Variants in GIGYF2 observed in about 807,000 individuals in gnomAD.
GIGYF2 encodes the protein GRB10 interacting GYF protein 2, also known as GRB10-interacting GYF protein 2.
In GIGYF2, 25 loss-of-function variants were observed where a neutral mutation model predicts 208.1. That is an observed-to-expected ratio of 0.12 (90% CI 0.09 to 0.17). GIGYF2 has a LOEUF of 0.17. Among genes scored for constraint, GIGYF2 ranks in the 10% least tolerant of loss-of-function variants. The pLI is 1.00. For missense variants in GIGYF2, 1,302 were observed against 1,579.4 expected, an observed-to-expected ratio of 0.82 and a Z score of 2.98; for synonymous variants, 534 against 543.8, an observed-to-expected ratio of 0.98 and a Z score of 0.25.
At chr2:232,842,289 C>G (rs1475331626) in intron 23 of GIGYF2, among the ~76,000 whole-genome samples, 2 of 152,184 alleles carry the variant, frequency 1.3e-5, no homozygotes, top group East Asian at 3.9e-4. Flanking sequence ...CTCCTGAGCT[C>G]AAGTGATTCT....
intron 2 of GIGYF2, among the ~76,000 whole-genome samples, chr2:232,710,115 A>G (rs1053756802): frequency 3.3e-5 from 5 of 151,914 alleles, no homozygotes; most frequent in South Asian, 2.1e-4. Context: ...ACCCGCCACC[A>G]TGCCCAGCTA....
rs746890046 is a variant in GIGYF2 at position 232,790,867 on chromosome 2, A to G, written c.882A>G (p.Glu294=). Residue 294 remains glutamate (E), a synonymous_variant, in exon 10 of 29, where the codon GAA becomes GAG. Coordinates refer to ENST00000373563, the MANE Select transcript of GIGYF2 (RefSeq NM_001103146.3). ...SLPEWCLEDA[E]EEMGTFDSSG... ...CCGAATGGTGCTTAGAGGATGCTGA[A>G]GAAGAAATGGGTACATTTGACTCAT... 1.9e-6 allele frequency: 3 copies of G among 1,614,054 alleles called. No homozygotes were observed. The African/African-American group carries it at 4.0e-5, about 22-fold the overall frequency.
chr2:232,836,256 A>ATCTCTCTCTCTCTCTCTCTCTC (rs1559160076), intron 22 of GIGYF2, among the ~76,000 whole-genome samples: 19 of 102,704 alleles, frequency 1.8e-4, no homozygotes, highest in African/African-American at 8.0e-4. Flanking sequence ...GTGAAACCCC[A>ATCTCTCTCTCTCTCTCTCTCTC]TCTCTACATA....
intron 14 of GIGYF2, among the ~76,000 whole-genome samples, chr2:232,804,871 GTA>G (rs1211127978): frequency 6.6e-6 from 1 of 150,398 alleles, no homozygotes; most frequent in Non-Finnish European, 1.5e-5. Context: ...TTATTTTGAA[GTA>G]TATTTTTGGG....
intron 8 of GIGYF2, among the ~76,000 whole-genome samples, chr2:232,775,259 C>T (rs893661801): frequency 4.6e-5 from 7 of 152,084 alleles, no homozygotes; most frequent in African/African-American, 1.4e-4. Context: ...CAGGCTCTAG[C>T]ACTGTTGGTT....
At chr2:232,772,450 A>G (rs973535201) in intron 8 of GIGYF2, among the ~76,000 whole-genome samples, 11 of 152,244 alleles carry the variant, frequency 7.2e-5, no homozygotes, top group African/African-American at 2.7e-4. Context: ...GAATAGTTCA[A>G]TGAACTAAAA....
At chr2:232,824,449 T>C (rs1277608723) in intron 21 of GIGYF2, among the ~76,000 whole-genome samples, 1 of 152,156 alleles carries the variant, frequency 6.6e-6, no homozygotes, top group Non-Finnish European at 1.5e-5. Context: ...GTTTTAGTGG[T>C]CTGGATAGAA....
intron 5 of GIGYF2, among the ~76,000 whole-genome samples, chr2:232,755,323 A>G (rs1208124094): frequency 2.0e-5 from 3 of 152,092 alleles, no homozygotes; most frequent in Non-Finnish European, 4.4e-5. Flanking sequence ...GGTGCCTGCC[A>G]CCGCGCCCGG....
At position 232,787,257 on chromosome 2, in the gene GIGYF2, G is replaced by C. The variant is rs769304377; in HGVS notation, c.640G>C (p.Glu214Gln). The C allele has an allele frequency of 6.2e-7, 1 of 1,614,068 alleles. No homozygotes were observed. Among genetic ancestry groups the C allele is most frequent in the East Asian group, 2.2e-5 (1 of 44,874 alleles). The change falls in exon 9 of 29, where the codon GAA becomes CAA. Residue 214 changes from glutamate (E) to glutamine (Q), a missense_variant. Transcript: ENST00000373563. The part of the protein sequence containing the change: ...WRIFREEQNG[E>Q]DEDGGWRLAG... ...CATCTTTAGAGAGGAACAAAATGGAGAAGATGAAGATGGAGGTTGGCGACT... is the reference window on the plus strand; with the variant it reads ...CATCTTTAGAGAGGAACAAAATGGACAAGATGAAGATGGAGGTTGGCGACT...
chr2:232,845,007 A>G (rs1401862415), intron 25 of GIGYF2, among the ~76,000 whole-genome samples: 2 of 152,288 alleles, frequency 1.3e-5, no homozygotes, highest in East Asian at 3.9e-4. Flanking sequence ...TTACATTTTC[A>G]TCTTCATCTT....
rs1700575077 is a variant in GIGYF2 at position 232,806,806 on chromosome 2, C to T, written c.1806+149C>T. ...GGTAAGGGAAAGTCTGAATGGAAGACTGAATACTTAGCTATAATGATCTTT... is the reference window on the plus strand; with the variant it reads ...GGTAAGGGAAAGTCTGAATGGAAGATTGAATACTTAGCTATAATGATCTTT... On this transcript the variant is annotated intron_variant, in intron 15 of 28. Coordinates refer to ENST00000373563, the MANE Select transcript of GIGYF2 (RefSeq NM_001103146.3). This position sits in a 1 kb window ranked among gnomAD's most constrained non-coding sequence, Gnocchi z 4.0. The T allele has an allele frequency of 1.3e-6, 1 of 749,914 alleles. No homozygotes were observed. The highest frequency in any genetic ancestry group is 1.7e-5 in the African/African-American group (1 of 58,268). 46.5% of individuals were successfully genotyped at this position (749,914 alleles called of 1,614,324 possible).
chr2:232,737,190 A>G (rs901961238), intron 3 of GIGYF2, among the ~76,000 whole-genome samples: 13 of 152,206 alleles, frequency 8.5e-5, no homozygotes, highest in Admixed American at 4.6e-4. Context: ...GCCCTACACC[A>G]TGAGTTCTCA....
At chr2:232,837,844 G>A (rs943496171) in intron 22 of GIGYF2, among the ~76,000 whole-genome samples, 6 of 152,176 alleles carry the variant, frequency 3.9e-5, no homozygotes, top group East Asian at 1.9e-4. Flanking sequence ...CTGTCATTCC[G>A]ACAGTGAAAC....
intron 12 of GIGYF2, 116 bp downstream of exon 12, chr2:232,791,562 G>A (rs1014872559): frequency 2.2e-5 from 19 of 852,868 alleles, no homozygotes; most frequent in Admixed American, 8.1e-5. Flanking sequence ...GTGAATTATC[G>A]GAATAGATTA....
At chr2:232,747,867 C>A in intron 4 of GIGYF2, 123 bp downstream of exon 4, 1 of 903,384 alleles carries the variant, frequency 1.1e-6, no homozygotes, top group Non-Finnish European at 1.7e-6. Flanking sequence ...TCCACCTTAA[C>A]TGTTTCCCTG....
intron 3 of GIGYF2, among the ~76,000 whole-genome samples, chr2:232,737,907 C>CT (rs11320395): frequency 3.9e-3 from 335 of 85,170 alleles, no homozygotes; most frequent in Middle Eastern, 0.017. Flanking sequence ...TAAGCTTTAA[C>CT]TTTTTTTTTT....
chr2:232,815,899 C>A (rs1309052615), intron 19 of GIGYF2, 162 bp downstream of exon 19: 2 of 601,000 alleles, frequency 3.3e-6, no homozygotes, highest in Non-Finnish European at 5.9e-6. Flanking sequence ...GTGCTCTCTT[C>A]TCCCAAAAAA....
At position 232,770,957 on chromosome 2, in the gene GIGYF2, C is replaced by T. The variant is rs749097137; in HGVS notation, c.532+9521C>T. On this transcript the variant is annotated intron_variant, in intron 8 of 28. Coordinates refer to ENST00000373563, the MANE Select transcript of GIGYF2 (RefSeq NM_001103146.3). ...AGGAGCATTTGTATGGCAAGTAAGGCGATTGCACTTGGACAGTCACCACTG... is the reference window on the plus strand; with the variant it reads ...AGGAGCATTTGTATGGCAAGTAAGGTGATTGCACTTGGACAGTCACCACTG... The T allele has an allele frequency of 1.7e-5, 28 of 1,613,762 alleles. No individual in the cohort carries two copies. Among genetic ancestry groups the T allele is most frequent in the Admixed American group, 5.0e-5 (3 of 59,968 alleles).
Position 232,793,307 on chromosome 2 carries a change from A to G in GIGYF2, c.1283-1441A>G, listed in dbSNP as rs897591306. On this transcript the variant is annotated intron_variant, in intron 12 of 28. Coordinates refer to ENST00000373563, the MANE Select transcript of GIGYF2 (RefSeq NM_001103146.3). Reference sequence around the variant, plus strand: ...CCGCTTAGACTCCTGAGCAGTCACTATGGGGTAGATAGTACACCTGTAAAG... The same window carrying G: ...CCGCTTAGACTCCTGAGCAGTCACTGTGGGGTAGATAGTACACCTGTAAAG... 5.3e-5 allele frequency among the ~76,000 whole-genome samples: 8 copies of G among 152,298 alleles called. No individual in the cohort carries two copies. In the South Asian group the frequency reaches 1.5e-3, roughly 28 times the overall value.
Sources: allele counts gnomAD v4.1 joint callset (sites outside exome capture counted in the v4.1 genomes callset), GRCh38; gene constraint gnomAD v4.1.1; non-coding constraint Gnocchi (gnomAD v3.1); transcripts MANE v1.5; gene names NCBI Gene and HGNC (gene_info 2026-07-23, HGNC 2026-07-21).